The following KIF5B variants were observed in gnomAD, a reference collection of about 807,000 sequenced individuals.
KIF5B encodes kinesin family member 5B, also known as kinesin-1 heavy chain.
In KIF5B, 49 loss-of-function variants were observed where a neutral mutation model predicts 132.8. The observed-to-expected ratio is 0.37, with a 90% CI of 0.29 to 0.47. The LOEUF (loss-of-function observed/expected upper bound fraction) is 0.47, where lower values mean the gene tolerates loss of function less well. Ranked by LOEUF, KIF5B falls within the 20% of genes least tolerant of loss-of-function variation. The pLI is 1.00. For missense variants in KIF5B, 780 were observed against 1,144.0 expected (o/e 0.68, Z 4.59); for synonymous variants, 355 against 369.4 (o/e 0.96, Z 0.45).
chr10:32,046,899 A>C (rs1841616501), intron 2 of KIF5B, among the ~76,000 whole-genome samples: 1 of 142,298 alleles, frequency 7.0e-6, no homozygotes, highest in African/African-American at 2.5e-5. Flanking sequence ...TGCATCAAAC[A>C]CATCTAACCT....
intron 12 of KIF5B, 133 bp from the exon 13 acceptor site, chr10:32,032,907 T>C (rs1411711254): frequency 3.0e-6 from 2 of 677,574 alleles, no homozygotes; most frequent in Non-Finnish European, 5.1e-6. Context: ...TTGCTTATTT[T>C]AATCTCTTTT....
intron 14 of KIF5B, among the ~76,000 whole-genome samples, 184 bp from the exon 15 acceptor site, chr10:32,028,755 C>T (rs1351670337): frequency 6.6e-6 from 1 of 152,144 alleles, no homozygotes; most frequent in Non-Finnish European, 1.5e-5. Flanking sequence ...TATTTTAGAC[C>T]TAATAGGCTA....
chr10:32,041,249 A>G (rs1360823294), intron 2 of KIF5B, among the ~76,000 whole-genome samples: 4 of 152,064 alleles, frequency 2.6e-5, no homozygotes, highest in African/African-American at 9.7e-5. Context: ...TTTAGTACAT[A>G]AAGGATTTAT....
rs139983550 is a variant in KIF5B, at chr10:32,035,662, A to G, written c.822T>C (p.Tyr274=). ...VISALAEGST[Y]VPYRDSKMTR... ...TCATTTTACTATCTCGATATGGAAC[A>G]TATGTCTGCATACAAAAACAAAGAA... is the stretch of plus-strand genomic sequence containing the variant. Residue 274 remains tyrosine, a synonymous_variant, in exon 10 of 26, where the codon TAT becomes TAC. Coordinates refer to ENST00000302418, the MANE Select transcript of KIF5B (RefSeq NM_004521.3). The G allele has an allele frequency of 1.3e-4, 203 of 1,597,002 alleles. No individual in the cohort carries two copies. The highest frequency in any genetic ancestry group is 6.3e-4 in the Admixed American group (35 of 55,176).
chr10:32,052,701 C>T (rs566365744), intron 1 of KIF5B, among the ~76,000 whole-genome samples: 4 of 152,092 alleles, frequency 2.6e-5, no homozygotes, highest in African/African-American at 4.8e-5. Flanking sequence ...CCTTGCTTTG[C>T]GGTAACAAGT....
intron 11 of KIF5B, among the ~76,000 whole-genome samples, chr10:32,034,394 G>A (rs1031817798): frequency 3.9e-5 from 6 of 152,170 alleles, no homozygotes; most frequent in African/African-American, 7.2e-5. Context: ...TTACAGGCAT[G>A]AGCCAGTGCA....
chr10:32,034,735 T>G lies in KIF5B; in HGVS notation c.1066A>C (p.Asn356His). 6.2e-7 allele frequency: 1 copy of G among 1,609,336 alleles called. No individual in the cohort carries two copies. The highest frequency in any genetic ancestry group is 8.5e-7 in the Non-Finnish European group (1 of 1,178,124). ...TCATTTTCAAGCCACTGAATAGTGT[T>G]CCGCAGGATCTTATTTTTTTCTTTT... ...KEKEKNKILR[N>H]TIQWLENELN... is the part of the protein sequence containing the mutation. Residue 356 changes from asparagine (N) to histidine (H), a missense_variant, in exon 11 of 26, where the codon AAC becomes CAC. By Grantham distance (68) the Asn-to-His change is moderately conservative (BLOSUM62 1). This residue lies in a region of KIF5B where 471 missense variants were observed against 569.9 expected (regional missense o/e 0.83). Transcript: ENST00000302418.
At chr10:32,021,505 GTT>G (rs58363319) in intron 17 of KIF5B, among the ~76,000 whole-genome samples, 1 of 140,634 alleles carries the variant, frequency 7.1e-6, no homozygotes, top group Admixed American at 7.2e-5. Context: ...GGTTTGTTTG[GTT>G]TTTTTTTTTT....
chr10:32,055,839 G>A lies in KIF5B; in HGVS notation c.126+9C>T. ...AGCGGGAGGAGGGATGCCGGCGGGG[G>A]TCACTCACCGCGATCACGACCGTGT... On this transcript the variant is annotated intron_variant, in intron 1 of 25. Coordinates refer to ENST00000302418, the MANE Select transcript of KIF5B (RefSeq NM_004521.3). The A allele has an allele frequency of 6.2e-7, 1 of 1,611,032 alleles. No individual in the cohort carries two copies. The highest frequency in any genetic ancestry group is 1.7e-5 in the Admixed American group (1 of 59,962).
At chr10:32,046,283 G>C (rs1841607949) in intron 2 of KIF5B, among the ~76,000 whole-genome samples, 1 of 152,192 alleles carries the variant, frequency 6.6e-6, no homozygotes, top group Non-Finnish European at 1.5e-5. Context: ...TGAGACAGAA[G>C]TATGTCTCAA....
At chr10:32,037,694 G>T in intron 6 of KIF5B, 87 bp from the exon 7 acceptor site, 1 of 944,722 alleles carries the variant, frequency 1.1e-6, no homozygotes, top group Non-Finnish European at 1.6e-6. Flanking sequence ...TTAGCCGGGC[G>T]CGGTGGCGGG....
intron 2 of KIF5B, among the ~76,000 whole-genome samples, chr10:32,043,999 T>C (rs1841576779): frequency 6.6e-6 from 1 of 152,190 alleles, no homozygotes; most frequent in Middle Eastern, 3.2e-3. Flanking sequence ...CAACCTACCA[T>C]GTATTTAATT....
At chr10:32,021,185 C>A (rs1237010548) in intron 18 of KIF5B, 41 bp downstream of exon 18, 1 of 1,594,406 alleles carries the variant, frequency 6.3e-7, no homozygotes, top group East Asian at 2.2e-5. Flanking sequence ...AAAATTAATA[C>A]TGATTAATTA....
rs1486993455 is a variant in KIF5B at position 32,015,536 on chromosome 10, T to C, written c.2885A>G (p.Gln962Arg). Residue 962 changes from glutamine to arginine, a missense_variant, in exon 25 of 26, where the codon CAA (glutamine) becomes CGA (arginine). Gln to Arg is a conservative substitution (Grantham distance 43). Coordinates refer to ENST00000302418, the MANE Select transcript of KIF5B (RefSeq NM_004521.3). ...PVAVRGGGGK[Q>R]V Reference sequence around the variant, plus strand: ...GTGGGTATGTATAAACGATTACACTTGTTTGCCTCCTCCACCTCGCACTGC... The same window carrying C: ...GTGGGTATGTATAAACGATTACACTCGTTTGCCTCCTCCACCTCGCACTGC... 2 of 1,610,258 alleles carry C rather than the reference T, an allele frequency of 1.2e-6. No individual in the cohort carries two copies. Among genetic ancestry groups the C allele is most frequent in the South Asian group, 2.2e-5 (2 of 90,446 alleles).
chr10:32,026,037 C>T (rs537655844), intron 15 of KIF5B, among the ~76,000 whole-genome samples: 10 of 152,144 alleles, frequency 6.6e-5, no homozygotes, highest in Admixed American at 2.6e-4. Flanking sequence ...TTCTAAATAC[C>T]GGACCTATAA....
At chr10:32,047,708 T>TA (rs1841631682) in intron 2 of KIF5B, among the ~76,000 whole-genome samples, 1 of 152,236 alleles carries the variant, frequency 6.6e-6, no homozygotes, top group East Asian at 1.9e-4. Context: ...TATGCTATCC[T>TA]AATCCACCTA....
intron 1 of KIF5B, 128 bp downstream of exon 1, chr10:32,055,720 A>G (rs1841753123): frequency 9.9e-6 from 13 of 1,312,650 alleles, no homozygotes; most frequent in Non-Finnish European, 1.3e-5. Context: ...CTGAACCGGC[A>G]AACCCCGCCG....
At chr10:32,018,730 ATT>A (rs869060587) in intron 20 of KIF5B, among the ~76,000 whole-genome samples, 168 bp from the exon 21 acceptor site, 1 of 147,688 alleles carries the variant, frequency 6.8e-6, no homozygotes. Context: ...CAAAAAAAAA[ATT>A]TTTTTTTTTT....
intron 1 of KIF5B, among the ~76,000 whole-genome samples, chr10:32,055,124 T>C (rs548161133): frequency 6.6e-6 from 1 of 152,130 alleles, no homozygotes; most frequent in African/African-American, 2.4e-5. Context: ...GGAGCACTTA[T>C]CTGACCCAAC....
Sources: gnomAD v4.1 joint callset for allele counts (sites outside exome capture counted in the v4.1 genomes callset) on GRCh38, gnomAD v4.1.1 for gene constraint, gnomAD v4.1.1 regional missense constraint, MANE v1.5 for transcripts, NCBI Gene and HGNC (gene_info 2026-07-23, HGNC 2026-07-21) for gene names.